The following ANO2 variants were observed in gnomAD, a reference collection of about 807,000 sequenced individuals.
ANO2 encodes anoctamin 2, also known as anoctamin-2.
In ANO2, 101 loss-of-function variants were observed where a neutral mutation model predicts 124.2. The ratio of observed to expected loss-of-function variants is 0.81; its 90% confidence interval spans 0.69 to 0.96. The LOEUF (loss-of-function observed/expected upper bound fraction) is 0.96. ANO2 is among the 40% of genes least tolerant of loss of function. The probability of loss-of-function intolerance (pLI) is 0.00; values close to 1 mark genes in which losing one functional copy is unlikely to be tolerated. For synonymous variants in ANO2, 486 were observed against 482.5 expected, an observed-to-expected ratio of 1.01 and a Z score of -0.09; for missense variants, 1,293 against 1,274.5, an observed-to-expected ratio of 1.01 and a Z score of -0.22.
chr12:5,726,745 A>G (rs1197230405), intron 14 of ANO2, among the ~76,000 whole-genome samples: 1 of 152,242 alleles, frequency 6.6e-6, no homozygotes, highest in African/African-American at 2.4e-5. Context: ...TTGAAAATCA[A>G]TAAGAGAAGG....
At chr12:5,889,381 C>T (rs768890897) in intron 3 of ANO2, among the ~76,000 whole-genome samples, 7 of 152,264 alleles carry the variant, frequency 4.6e-5, no homozygotes, top group East Asian at 1.9e-4. Context: ...ACTGCCAGCA[C>T]GCTGTCACCT....
At chr12:5,872,514 C>G (rs758430133) in intron 3 of ANO2, among the ~76,000 whole-genome samples, 29 of 152,148 alleles carry the variant, frequency 1.9e-4, no homozygotes, top group Non-Finnish European at 3.2e-4. Context: ...ATATCAGGCC[C>G]ACTAGGAGGT....
rs576491360 is a variant in ANO2 at position 5,692,772 on chromosome 12, G to A, written c.1545+39748C>T. 1.4e-4 allele frequency among the ~76,000 whole-genome samples: 21 copies of A among 152,282 alleles called. 1 individual carries two copies. Among genetic ancestry groups the A allele is most frequent in the African/African-American group, 2.9e-4 (12 of 41,546 alleles). The stretch of plus-strand genomic sequence containing the variant: ...GGCACGAAGCTGTCCCCTGCGCCCC[G>A]TAGTAGGGCCTGAAGTTCATGAGGC... On this transcript the variant is annotated intron_variant, in intron 14 of 24. Transcript: ENST00000682330.
At chr12:5,848,961 G>A (rs1186114286) in intron 4 of ANO2, among the ~76,000 whole-genome samples, 2 of 152,166 alleles carry the variant, frequency 1.3e-5, no homozygotes, top group Non-Finnish European at 2.9e-5. Flanking sequence ...GGCATTCAGA[G>A]AACATCATCA....
intron 11 of ANO2, among the ~76,000 whole-genome samples, chr12:5,748,599 A>T (rs1951338866): frequency 6.6e-6 from 1 of 152,212 alleles, no homozygotes; most frequent in Admixed American, 6.5e-5. Flanking sequence ...GTTCAGTGGA[A>T]ATAATAATGC....
chr12:5,657,956 C>T (rs950541164), intron 14 of ANO2, among the ~76,000 whole-genome samples: 2 of 152,080 alleles, frequency 1.3e-5, no homozygotes, highest in Non-Finnish European at 2.9e-5. Context: ...TATATGTGGA[C>T]TGAAACAAAG....
At position 5,597,345 on chromosome 12, in the gene ANO2, C is replaced by A. The variant is rs539209977; in HGVS notation, c.2233+2139G>T. On this transcript the variant is annotated intron_variant, in intron 20 of 24. Transcript: ENST00000682330. ...GCTCCCACTTATAAGTGAAAACATC[C>A]AGTATTTGGTTTTCTGTTCCTGCAT... is the stretch of plus-strand genomic sequence containing the variant. Among the ~76,000 whole-genome samples the A allele has an allele frequency of 9.7e-4, 148 of 152,176 alleles. 1 individual carries two copies. The highest frequency in any genetic ancestry group is 2.9e-3 in the African/African-American group (122 of 41,520).
chr12:5,873,296 T>C (rs568326124), intron 3 of ANO2, among the ~76,000 whole-genome samples: 4 of 151,528 alleles, frequency 2.6e-5, no homozygotes. Context: ...GTCCCCAGGC[T>C]CTTGAACTCT....
chr12:5,834,176 C>T (rs966538409), intron 4 of ANO2, among the ~76,000 whole-genome samples: 3 of 152,110 alleles, frequency 2.0e-5, no homozygotes, highest in African/African-American at 7.2e-5. Context: ...AGTTCCTGAA[C>T]AAAAAATCAT....
At chr12:5,844,166 T>C (rs946567493) in intron 4 of ANO2, among the ~76,000 whole-genome samples, 1 of 152,162 alleles carries the variant, frequency 6.6e-6, no homozygotes, top group Non-Finnish European at 1.5e-5. Context: ...GACAAATACT[T>C]AAAGCATTTG....
At chr12:5,680,609 G>A (rs1409028575) in intron 14 of ANO2, among the ~76,000 whole-genome samples, 1 of 152,166 alleles carries the variant, frequency 6.6e-6, no homozygotes, top group Non-Finnish European at 1.5e-5. Flanking sequence ...TGATCAAAAG[G>A]GGGAACAAGC....
chr12:5,874,845 C>G (rs1360049023), intron 3 of ANO2, among the ~76,000 whole-genome samples: 1 of 152,224 alleles, frequency 6.6e-6, no homozygotes, highest in East Asian at 1.9e-4. Context: ...ACTCAGCACA[C>G]TTTTTCTGTA....
intron 19 of ANO2, among the ~76,000 whole-genome samples, chr12:5,603,773 G>A (rs554976887): frequency 2.6e-4 from 39 of 151,964 alleles, no homozygotes; most frequent in African/African-American, 7.7e-4. Context: ...GTGAAACCCC[G>A]CCTCTACTAA....
intron 14 of ANO2, among the ~76,000 whole-genome samples, chr12:5,686,563 A>C (rs1477215897): frequency 6.6e-6 from 1 of 152,196 alleles, no homozygotes; most frequent in Non-Finnish European, 1.5e-5. Context: ...GGACCACAGA[A>C]GCACACAGGG....
chr12:5,758,588 T>C (rs975811095), intron 10 of ANO2, among the ~76,000 whole-genome samples: 2 of 152,124 alleles, frequency 1.3e-5, no homozygotes, highest in African/African-American at 4.8e-5. Flanking sequence ...AAAGAAACAA[T>C]GAGGACCAAT....
intron 10 of ANO2, among the ~76,000 whole-genome samples, chr12:5,788,658 G>A (rs1465494623): frequency 1.3e-5 from 2 of 152,098 alleles, no homozygotes; most frequent in Non-Finnish European, 2.9e-5. Context: ...TCCAGGGTTC[G>A]AGCAACTCTC....
chr12:5,605,053 T>G (rs957401835), intron 19 of ANO2, among the ~76,000 whole-genome samples: 5 of 152,070 alleles, frequency 3.3e-5, no homozygotes, highest in African/African-American at 1.2e-4. Context: ...ACCTTGGGCC[T>G]CCCTGCAGCA....
chr12:5,739,230 G>T, intron 13 of ANO2, 87 bp downstream of exon 13: 2 of 1,217,638 alleles, frequency 1.6e-6, no homozygotes, highest in Non-Finnish European at 2.4e-6. Flanking sequence ...AACATACATG[G>T]TTATCTCACT....
chr12:5,898,427 C>T (rs1404820108), intron 3 of ANO2, among the ~76,000 whole-genome samples: 3 of 152,100 alleles, frequency 2.0e-5, no homozygotes, highest in Non-Finnish European at 4.4e-5. Context: ...ACCAAAAGAC[C>T]TGTAAAAGAA....
Sources: allele counts gnomAD v4.1 joint callset (sites outside exome capture counted in the v4.1 genomes callset), GRCh38; gene constraint gnomAD v4.1.1; transcripts MANE v1.5; gene names NCBI Gene and HGNC (gene_info 2026-07-23, HGNC 2026-07-21).